Variants in DTNB observed in about 807,000 individuals in gnomAD.
DTNB encodes dystrobrevin beta.
A neutral mutation model predicts 90.7 loss-of-function variants in DTNB; 63 were observed. The observed-to-expected ratio is 0.69, with a 90% CI of 0.57 to 0.86. DTNB has a LOEUF of 0.86. Among genes scored for constraint, DTNB ranks in the 40% least tolerant of loss-of-function variants. The pLI is 0.00. For missense variants in DTNB, 744 were observed against 807.1 expected (o/e 0.92, Z 0.95); for synonymous variants, 277 against 286.7 (o/e 0.97, Z 0.34).
At chr2:25,545,966 T>C (rs1337189122) in intron 8 of DTNB, among the ~76,000 whole-genome samples, 1 of 152,176 alleles carries the variant, frequency 6.6e-6, no homozygotes, top group African/African-American at 2.4e-5. Context: ...GAGTCAATCC[T>C]TCCAGATGAA....
chr2:25,670,552 G>A (rs2085593508), intron 1 of DTNB, among the ~76,000 whole-genome samples: 1 of 152,206 alleles, frequency 6.6e-6, no homozygotes, highest in African/African-American at 2.4e-5. Flanking sequence ...CACCTGCAGA[G>A]TTGCAGCACA....
At chr2:25,383,965 T>C (rs1248217035) in intron 18 of DTNB, 76 bp from the exon 19 acceptor site, 1 of 1,609,332 alleles carries the variant, frequency 6.2e-7, no homozygotes, top group African/African-American at 1.3e-5. Flanking sequence ...ACAAAGCAAC[T>C]GCTGAGGCTT....
intron 9 of DTNB, among the ~76,000 whole-genome samples, chr2:25,500,787 G>C (rs2070421164): frequency 6.6e-6 from 1 of 152,144 alleles, no homozygotes; most frequent in Admixed American, 6.5e-5. Context: ...TGCATGTATA[G>C]CTAGGACCAA....
chr2:25,562,695 T>C (rs1229180185), intron 8 of DTNB, among the ~76,000 whole-genome samples: 3 of 152,234 alleles, frequency 2.0e-5, no homozygotes, highest in Non-Finnish European at 4.4e-5. Flanking sequence ...CATCTTTTCA[T>C]GTGCATCTCA....
At chr2:25,422,395 C>CTTTT (rs146697158) in intron 15 of DTNB, among the ~76,000 whole-genome samples, 41 of 82,944 alleles carry the variant, frequency 4.9e-4, no homozygotes, top group African/African-American at 6.6e-4. Flanking sequence ...CTTTTCTCTT[C>CTTTT]TTTTTTTTTT....
At chr2:25,541,152 G>A (rs914688688) in intron 8 of DTNB, among the ~76,000 whole-genome samples, 2 of 151,354 alleles carry the variant, frequency 1.3e-5, no homozygotes, top group Non-Finnish European at 2.9e-5. Context: ...CAAGAATAAA[G>A]TTCACTGCTT....
intron 5 of DTNB, among the ~76,000 whole-genome samples, chr2:25,596,878 A>T (rs964573708): frequency 2.6e-5 from 4 of 152,218 alleles, no homozygotes; most frequent in African/African-American, 9.6e-5. Flanking sequence ...GGTCAAGCAG[A>T]TGAGAAAGAA....
chr2:25,492,318 A>C (rs963310965), intron 9 of DTNB, among the ~76,000 whole-genome samples: 13 of 152,204 alleles, frequency 8.5e-5, no homozygotes, highest in African/African-American at 2.7e-4. Context: ...TTAGGTTCCT[A>C]ATCTCAGCCT....
intron 3 of DTNB, among the ~76,000 whole-genome samples, chr2:25,629,371 G>C (rs1249010583): frequency 6.6e-6 from 1 of 152,174 alleles, no homozygotes; most frequent in Non-Finnish European, 1.5e-5. Flanking sequence ...AAGAAACACA[G>C]AACAAGCAGC....
In DTNB at chr2:25,563,612, T is replaced by C. The variant is rs1339574492; in HGVS notation, c.876+13226A>G. On this transcript the variant is annotated intron_variant, in intron 8 of 20. Transcript: ENST00000406818. ...ACATTAAGGGGTCTATAATCCATTT[T>C]GAATTCGTGTTTCATATGGTATAAG... Among the ~76,000 whole-genome samples the C allele has an allele frequency of 2.6e-5, 4 of 152,336 alleles. No individual in the cohort carries two copies. The East Asian group carries it at 7.7e-4, about 29-fold the overall frequency.
At chr2:25,489,799 A>C (rs899953660) in intron 9 of DTNB, among the ~76,000 whole-genome samples, 3 of 152,126 alleles carry the variant, frequency 2.0e-5, no homozygotes, top group Admixed American at 1.3e-4. Context: ...AAACCATCAG[A>C]AAAGAAAAAA....
intron 4 of DTNB, among the ~76,000 whole-genome samples, chr2:25,619,524 A>C (rs1188727323): frequency 6.6e-6 from 1 of 152,216 alleles, no homozygotes; most frequent in Non-Finnish European, 1.5e-5. Context: ...TTTCAATCTT[A>C]TAAACATTTA....
intron 6 of DTNB, among the ~76,000 whole-genome samples, chr2:25,581,929 C>A (rs1351450412): frequency 6.6e-6 from 1 of 152,212 alleles, no homozygotes; most frequent in East Asian, 1.9e-4. Flanking sequence ...CCTGATCCCA[C>A]CATTCAGAGG....
At chr2:25,381,355 G>C (rs2037703733) in intron 19 of DTNB, among the ~76,000 whole-genome samples, 1 of 152,162 alleles carries the variant, frequency 6.6e-6, no homozygotes, top group Non-Finnish European at 1.5e-5. Flanking sequence ...CTGGATGTCT[G>C]AAACACTACT....
chr2:25,561,022 TG>T (rs1316957919), intron 8 of DTNB, among the ~76,000 whole-genome samples: 1 of 152,254 alleles, frequency 6.6e-6, no homozygotes, highest in East Asian at 1.9e-4. Flanking sequence ...TGCCAGTTAC[TG>T]TACATTACCT....
intron 10 of DTNB, among the ~76,000 whole-genome samples, chr2:25,476,749 G>T (rs2063822067): frequency 6.6e-6 from 1 of 152,324 alleles, no homozygotes; most frequent in East Asian, 1.9e-4. Flanking sequence ...TTACGGATAA[G>T]CAAAGAAAGG....
At chr2:25,523,766 T>G (rs1260376656) in intron 9 of DTNB, among the ~76,000 whole-genome samples, 3 of 152,196 alleles carry the variant, frequency 2.0e-5, no homozygotes, top group Non-Finnish European at 4.4e-5. Context: ...AAACTCTTTA[T>G]GTCCTCCTAA....
chr2:25,450,897 C>T (rs945408055), intron 12 of DTNB, among the ~76,000 whole-genome samples: 4 of 152,178 alleles, frequency 2.6e-5, no homozygotes, highest in East Asian at 3.9e-4. Flanking sequence ...TTGACCTCCC[C>T]GGGCTCAACT....
At chr2:25,483,508 C>T (rs148339266) in intron 9 of DTNB, among the ~76,000 whole-genome samples, 117 of 152,336 alleles carry the variant, frequency 7.7e-4, no homozygotes, top group African/African-American at 2.5e-3. Flanking sequence ...CCAAATTTTA[C>T]ACCTATACCC....
Sources: gnomAD v4.1 joint callset for allele counts (sites outside exome capture counted in the v4.1 genomes callset) on GRCh38, gnomAD v4.1.1 for gene constraint, MANE v1.5 for transcripts, NCBI Gene and HGNC (gene_info 2026-07-23, HGNC 2026-07-21) for gene names.